The following ARHGEF3 variants were observed in gnomAD, a reference collection of about 807,000 sequenced individuals.
ARHGEF3 encodes Rho guanine nucleotide exchange factor 3, also known as 59.8 kDA protein.
In ARHGEF3, 28 loss-of-function variants were observed where a neutral mutation model predicts 63.2. The ratio of observed to expected loss-of-function variants is 0.44; its 90% CI spans 0.33 to 0.61. The LOEUF (loss-of-function observed/expected upper bound fraction) is 0.61, where lower values mean the gene tolerates loss of function less well. Ranked by LOEUF, ARHGEF3 falls within the 20% of genes least tolerant of loss-of-function variation. ARHGEF3 has a pLI of 0.03. For missense variants in ARHGEF3, 533 were observed against 659.3 expected, an observed-to-expected ratio of 0.81 and a Z score of 2.10; for synonymous variants, 266 against 254.2, an observed-to-expected ratio of 1.05 and a Z score of -0.44.
At chr3:56,997,583 G>A (rs147031342) in intron 2 of ARHGEF3, among the ~76,000 whole-genome samples, 48 of 152,070 alleles carry the variant, frequency 3.2e-4, no homozygotes, top group South Asian at 1.2e-3. Context: ...CTGACTCCGC[G>A]CAGATCTACC....
At chr3:56,877,254 C>G (rs1347834549) in intron 4 of ARHGEF3, among the ~76,000 whole-genome samples, 1 of 151,928 alleles carries the variant, frequency 6.6e-6, no homozygotes, top group Non-Finnish European at 1.5e-5. Flanking sequence ...TTTAAATGAA[C>G]ACATTTGATA....
At chr3:56,863,166 C>G (rs932542831) in intron 4 of ARHGEF3, among the ~76,000 whole-genome samples, 1 of 151,624 alleles carries the variant, frequency 6.6e-6, no homozygotes, top group Non-Finnish European at 1.5e-5. Context: ...GAGACAGAGT[C>G]TCACTCTGTT....
chr3:56,872,716 G>C (rs2040469537), intron 4 of ARHGEF3, among the ~76,000 whole-genome samples: 1 of 151,936 alleles, frequency 6.6e-6, no homozygotes, highest in South Asian at 2.1e-4. Flanking sequence ...CACCATGTTG[G>C]CCAGGCTGGT....
At chr3:56,945,973 T>C (rs906804632) in intron 3 of ARHGEF3, among the ~76,000 whole-genome samples, 1 of 152,162 alleles carries the variant, frequency 6.6e-6, no homozygotes, top group Non-Finnish European at 1.5e-5. Context: ...TGTTCACCAA[T>C]ATCTGCTGTT....
At chr3:56,847,190 A>T (rs2039519370) in intron 4 of ARHGEF3, among the ~76,000 whole-genome samples, 1 of 152,218 alleles carries the variant, frequency 6.6e-6, no homozygotes, top group South Asian at 2.1e-4. Context: ...ACAGATAGAA[A>T]GATTCACAAG....
rs570974292 is a variant in ARHGEF3 at position 56,860,934 on chromosome 3, A to T, written c.192+21358T>A. ...CTTGAATCATGGCTACTAAAGAACAAAGAAGATCTGCCTTTATGAGTGGTC... is the reference window on the plus strand; with the variant it reads ...CTTGAATCATGGCTACTAAAGAACATAGAAGATCTGCCTTTATGAGTGGTC... On this transcript the variant is annotated intron_variant, in intron 4 of 12. Transcript: ENST00000338458. 1.4e-4 allele frequency among the ~76,000 whole-genome samples: 21 copies of T among 152,300 alleles called. 1 individual carries two copies. In the South Asian group the frequency reaches 4.4e-3, roughly 32 times the overall value.
rs554694601 is a variant in ARHGEF3 at position 56,838,702 on chromosome 3, C to G, written c.192+43590G>C. ...GAGAGGGGAGCTAGAAATACTATGACGAGCTGACCTGAGAACTCAAAAAGC... is the reference window on the plus strand; with the variant it reads ...GAGAGGGGAGCTAGAAATACTATGAGGAGCTGACCTGAGAACTCAAAAAGC... On this transcript the variant is annotated intron_variant, in intron 4 of 12. Transcript: ENST00000338458. Among the ~76,000 whole-genome samples, 148 of 152,214 alleles carry G rather than the reference C, an allele frequency of 9.7e-4. 3 individuals are homozygous for G. The South Asian group carries it at 0.021, about 22-fold the overall frequency.
intron 4 of ARHGEF3, among the ~76,000 whole-genome samples, chr3:56,752,082 C>T (rs536858625): frequency 1.6e-4 from 23 of 148,142 alleles, no homozygotes; most frequent in Non-Finnish European, 2.9e-4. Context: ...ATATTTTTTT[C>T]TTTTTTTTTT....
chr3:56,774,926 C>A lies in ARHGEF3; in HGVS notation c.97-1110G>T, dbSNP rs559492586. ...ACAAACAAACAAACAACAACAACAACAAAAAAAAAACAGGCTATGGGGAAG... is the reference window on the plus strand; with the variant it reads ...ACAAACAAACAAACAACAACAACAAAAAAAAAAAAACAGGCTATGGGGAAG... On this transcript the variant is annotated intron_variant, in intron 1 of 9. Transcript: ENST00000296315. 2,745 of 995,568 alleles carry A rather than the reference C, an allele frequency of 2.8e-3. 8 individuals are homozygous for A. The highest frequency in any genetic ancestry group is 0.018 in the African/African-American group (991 of 54,720). The allele number at this position is 995,568 out of a possible 1,614,324, so 61.7% of individuals were successfully genotyped here.
At chr3:57,012,882 G>A (rs9876978) in intron 2 of ARHGEF3, among the ~76,000 whole-genome samples, 2,497 of 152,320 alleles carry the variant, frequency 0.016, 79 homozygotes, top group African/African-American at 0.057. Flanking sequence ...GGGATGTGGA[G>A]GGAGAAGCAT....
At chr3:56,838,268 T>C (rs1247291065) in intron 4 of ARHGEF3, among the ~76,000 whole-genome samples, 1 of 152,202 alleles carries the variant, frequency 6.6e-6, no homozygotes, top group African/African-American at 2.4e-5. Flanking sequence ...GATCAATGTT[T>C]ACCAAATTAA....
intron 3 of ARHGEF3, among the ~76,000 whole-genome samples, chr3:56,901,368 G>GTATGTATATGTATATGTA (rs56397347): frequency 0.019 from 2,793 of 147,932 alleles, 33 homozygotes; most frequent in Non-Finnish European, 0.028. Flanking sequence ...GAGTGGCAAA[G>GTATGTATATGTATATGTA]TATGTATATG....
Position 56,922,104 on chromosome 3 carries a change from G to A in ARHGEF3, c.129+36719C>T, listed in dbSNP as rs182610525. 3.4e-3 allele frequency among the ~76,000 whole-genome samples: 512 copies of A among 152,008 alleles called. 4 individuals carry two copies. Among genetic ancestry groups the A allele is most frequent in the Non-Finnish European group, 4.6e-3 (314 of 67,986 alleles). ...AAAAAAAAAAGGAAAGCTGATGTATGCTGTGAAGCAGCCACCGGCCTGGCC... is the reference window on the plus strand; with the variant it reads ...AAAAAAAAAAGGAAAGCTGATGTATACTGTGAAGCAGCCACCGGCCTGGCC... On this transcript the variant is annotated intron_variant, in intron 3 of 12. Coordinates refer to the ARHGEF3 transcript ENST00000338458.
chr3:56,928,266 T>G (rs1206404803), intron 3 of ARHGEF3, among the ~76,000 whole-genome samples: 1 of 152,142 alleles, frequency 6.6e-6, no homozygotes, highest in Non-Finnish European at 1.5e-5. Flanking sequence ...GCCACATCAT[T>G]GCCACCTTAT....
chr3:56,897,879 T>G (rs1560031421), intron 3 of ARHGEF3, among the ~76,000 whole-genome samples: 1 of 151,952 alleles, frequency 6.6e-6, no homozygotes, highest in Non-Finnish European at 1.5e-5. Flanking sequence ...TTTTATTTAT[T>G]TATGTATTTT....
chr3:56,767,211 G>A (rs1414704277), intron 2 of ARHGEF3, among the ~76,000 whole-genome samples: 1 of 151,766 alleles, frequency 6.6e-6, no homozygotes, highest in African/African-American at 2.4e-5. Flanking sequence ...CTCTTCTATT[G>A]TAGAGTTATT....
At position 56,983,048 on chromosome 3, in the gene ARHGEF3, A is replaced by C. The variant is rs80272021; in HGVS notation, c.63-24159T>G. Among the ~76,000 whole-genome samples, 974 of 142,094 alleles carry C rather than the reference A, an allele frequency of 6.9e-3. 6 individuals carry two copies. The highest frequency in any genetic ancestry group is 0.011 in the Non-Finnish European group (722 of 63,186). The allele number at this position is 142,094 out of a possible 152,430, so 93.2% of individuals were successfully genotyped here. ...AAACAAAATTAAAATGTAAACAAGT[A>C]AGCAATAAAAAAAATAATAATTTAA... On this transcript the variant is annotated intron_variant, in intron 2 of 12. Coordinates refer to the ARHGEF3 transcript ENST00000338458.
intron 3 of ARHGEF3, among the ~76,000 whole-genome samples, chr3:56,900,454 A>G (rs1314231579): frequency 1.3e-5 from 2 of 152,224 alleles, no homozygotes; most frequent in Non-Finnish European, 2.9e-5. Context: ...CCTGGGCAAC[A>G]TGGCAGAACC....
intron 4 of ARHGEF3, among the ~76,000 whole-genome samples, chr3:56,843,318 G>A (rs2039377219): frequency 6.6e-6 from 1 of 152,082 alleles, no homozygotes. Flanking sequence ...AGAGTACAAG[G>A]GCATGATCTT....
Sources: gnomAD v4.1 joint callset for allele counts (sites outside exome capture counted in the v4.1 genomes callset) on GRCh38, gnomAD v4.1.1 for gene constraint, MANE v1.5 for transcripts, NCBI Gene and HGNC (gene_info 2026-07-23, HGNC 2026-07-21) for gene names.